Variants in ASXL2 observed in about 807,000 individuals in gnomAD.
ASXL2 encodes putative Polycomb group protein ASXL2.
Under a neutral mutation model 122.0 loss-of-function variants are expected in ASXL2, and 23 were observed. That is an observed-to-expected ratio of 0.19 (90% confidence interval 0.14 to 0.27). ASXL2 has a LOEUF of 0.27. Among genes scored for constraint, ASXL2 ranks in the 10% least tolerant of loss-of-function variants. The pLI is 1.00. For missense variants in ASXL2, 1,518 were observed against 1,713.8 expected (o/e 0.89, Z 2.02); for synonymous variants, 650 against 637.0 (o/e 1.02, Z -0.31).
chr2:25,814,345 A>G (rs148008936), intron 3 of ASXL2, among the ~76,000 whole-genome samples: 217 of 152,358 alleles, frequency 1.4e-3, no homozygotes, highest in Middle Eastern at 6.8e-3. Context: ...CCAGAATTCT[A>G]TAATTAAATA....
chr2:25,736,791 T>C lies in ASXL2; in HGVS notation c.*5238A>G, dbSNP rs149424257. 1.3e-3 allele frequency: 204 copies of C among 152,316 alleles called. No individual in the cohort carries two copies. The highest frequency in any genetic ancestry group is 4.8e-3 in the African/African-American group (199 of 41,566). 9.4% of individuals were successfully genotyped at this position (152,316 alleles called of 1,614,324 possible). ...TTTTATGGGTCATCAAGATACACTC[T>C]CGAAAATCTGACCTTAACAATTTTT... On this transcript the variant is annotated 3_prime_UTR_variant, in exon 13 of 13. Coordinates refer to ENST00000435504, the MANE Select transcript of ASXL2 (RefSeq NM_018263.6).
chr2:25,822,891 G>A, intron 3 of ASXL2: 1 of 547,262 alleles, frequency 1.8e-6, no homozygotes, highest in Non-Finnish European at 3.7e-6. Context: ...ACCAGAAGTA[G>A]ATGGAGCAGG....
chr2:25,866,159 T>TCTCG (rs1364734228), intron 1 of ASXL2, among the ~76,000 whole-genome samples: 1 of 148,962 alleles, frequency 6.7e-6, no homozygotes, highest in Non-Finnish European at 1.5e-5. Flanking sequence ...TGAGGTGGAG[T>TCTCG]CTCGCTCTGT....
intron 1 of ASXL2, among the ~76,000 whole-genome samples, chr2:25,864,833 ATTT>A (rs11358919): frequency 6.9e-6 from 1 of 144,160 alleles, no homozygotes; most frequent in Admixed American, 7.0e-5. Context: ...ACAATTTACA[ATTT>A]TTTTTTTTTT....
rs1250823642 is a variant in ASXL2, at chr2:25,810,641, T to C, written c.144-4304A>G. Reference sequence around the variant, plus strand: ...ATATTGTGCTTCACTGCCTCAATAGTGGTGATCCCAGCCATGGTGCCCACC... The same window carrying C: ...ATATTGTGCTTCACTGCCTCAATAGCGGTGATCCCAGCCATGGTGCCCACC... On this transcript the variant is annotated intron_variant, in intron 3 of 12. Transcript: ENST00000435504. The C allele has an allele frequency of 7.6e-6, 6 of 789,586 alleles. No individual in the cohort carries two copies. In the East Asian group the frequency reaches 1.9e-4, roughly 25 times the overall value. The allele number at this position is 789,586 out of a possible 1,614,324, so 48.9% of individuals were successfully genotyped here.
chr2:25,857,024 T>C (rs2089787464), intron 1 of ASXL2: 1 of 206,802 alleles, frequency 4.8e-6, no homozygotes, highest in South Asian at 1.7e-4. Flanking sequence ...TGTCTAATTT[T>C]TTCATATACT....
At chr2:25,781,536 T>A (rs2088637863) in intron 5 of ASXL2, among the ~76,000 whole-genome samples, 1 of 152,062 alleles carries the variant, frequency 6.6e-6, no homozygotes, top group Admixed American at 6.6e-5. Flanking sequence ...TTTACATCTA[T>A]TTATTTACAA....
chr2:25,788,215 C>T lies in ASXL2; in HGVS notation c.403+11170G>A, dbSNP rs993147047. 3.9e-5 allele frequency among the ~76,000 whole-genome samples: 6 copies of T among 152,206 alleles called. No homozygotes were observed. In the East Asian group the frequency reaches 1.2e-3, roughly 29 times the overall value. On this transcript the variant is annotated intron_variant, in intron 5 of 12. Coordinates refer to ENST00000435504, the MANE Select transcript of ASXL2 (RefSeq NM_018263.6). ...TCATCTCACATAATACAAAAAAATT[C>T]CACATGGTTTATAGATCTAAATGTA...
intron 5 of ASXL2, among the ~76,000 whole-genome samples, chr2:25,779,176 G>A (rs1574411885): frequency 7.3e-6 from 1 of 137,318 alleles, no homozygotes; most frequent in East Asian, 2.1e-4. Context: ...TGCAACCTCT[G>A]CCTCCACTTG....
At chr2:25,821,104 G>A (rs796855833) in intron 3 of ASXL2, among the ~76,000 whole-genome samples, 15 of 152,208 alleles carry the variant, frequency 9.9e-5, no homozygotes, top group African/African-American at 3.1e-4. Context: ...GCTTGAACCC[G>A]GGAGATGGAG....
intron 8 of ASXL2, among the ~76,000 whole-genome samples, chr2:25,760,683 C>G: frequency 6.6e-6 from 1 of 152,196 alleles, no homozygotes; most frequent in Admixed American, 6.5e-5. Flanking sequence ...GAAAGGATTT[C>G]CCTCAAATTA....
rs187726099 is a variant in ASXL2 at position 25,750,194 on chromosome 2, C to T, written c.1362G>A (p.Gln454=). The T allele has an allele frequency of 8.1e-6, 13 of 1,613,948 alleles. No homozygotes were observed. In the African/African-American group the frequency reaches 1.6e-4, roughly 20 times the overall value. The change falls in exon 12 of 13, where the codon CAG becomes CAA. Residue 454 remains glutamine, a synonymous_variant. Coordinates refer to ENST00000435504, the MANE Select transcript of ASXL2 (RefSeq NM_018263.6). The part of the protein sequence containing the change: ...KEECESQGEV[Q]PNFSTSSEPL... ...GCTCTGAAGATGTGGAGAAGTTCGGCTGCACTTCACCTTGGCTTTCACACT... is the reference window on the plus strand; with the variant it reads ...GCTCTGAAGATGTGGAGAAGTTCGGTTGCACTTCACCTTGGCTTTCACACT...
At chr2:25,806,046 T>C (rs1346963842) in intron 4 of ASXL2, among the ~76,000 whole-genome samples, 183 bp downstream of exon 4, 5 of 152,236 alleles carry the variant, frequency 3.3e-5, no homozygotes, top group Non-Finnish European at 7.3e-5. Flanking sequence ...GTTACTTCTC[T>C]GATCTACCTA....
Position 25,749,738 on chromosome 2 carries a change from A to G in ASXL2, c.1818T>C (p.Asn606=). 1.9e-6 allele frequency: 3 copies of G among 1,554,908 alleles called. No individual in the cohort carries two copies. The highest frequency in any genetic ancestry group is 2.6e-6 in the Non-Finnish European group (3 of 1,157,592). The change falls in exon 12 of 13, where the codon AAT becomes AAC. Residue 606 remains asparagine (N), a synonymous_variant. Coordinates refer to ENST00000435504, the MANE Select transcript of ASXL2 (RefSeq NM_018263.6). ...TTCGCACCTGGATTCTGTCCCCTCT[A>G]TTGAGAAAGGGCTGTGGTGAGACCT... ...PFQVSPQPFL[N]RGDRIQVRKV...
chr2:25,742,917 C>T lies in ASXL2; in HGVS notation c.3420G>A (p.Arg1140=). 6.2e-7 allele frequency: 1 copy of T among 1,613,948 alleles called. No homozygotes were observed. Among genetic ancestry groups the T allele is most frequent in the Non-Finnish European group, 8.5e-7 (1 of 1,179,896 alleles). The part of the protein sequence containing the change: ...TYGRGSESFR[R]THSVNPEDRF... ...GATCTTCAGGGTTTACAGAATGGGT[C>T]CTCCTAAAGCTCTCTGAGCCCCGGC... The change falls in exon 13 of 13, where the codon AGG becomes AGA. Residue 1140 remains arginine (R), a synonymous_variant. Transcript: ENST00000435504.
At chr2:25,757,674 C>CAAAAAAAAAAAAAA (rs60732948) in intron 9 of ASXL2, among the ~76,000 whole-genome samples, 2 of 35,828 alleles carry the variant, frequency 5.6e-5, no homozygotes, top group African/African-American at 1.2e-4. Context: ...GACTCCATCT[C>CAAAAAAAAAAAAAA]AAAAAAAAAA....
chr2:25,808,441 T>C (rs2089116494), intron 3 of ASXL2, among the ~76,000 whole-genome samples: 1 of 152,184 alleles, frequency 6.6e-6, no homozygotes, highest in African/African-American at 2.4e-5. Context: ...CAAGAGATTC[T>C]CATGCTCAGC....
chr2:25,761,447 G>A (rs930807864), intron 8 of ASXL2, among the ~76,000 whole-genome samples: 1 of 152,110 alleles, frequency 6.6e-6, no homozygotes, highest in Non-Finnish European at 1.5e-5. Flanking sequence ...GGCCGAGGCA[G>A]GCAGATCACA....
intron 1 of ASXL2, among the ~76,000 whole-genome samples, chr2:25,866,297 A>G (rs2089903784): frequency 6.6e-6 from 1 of 151,824 alleles, no homozygotes; most frequent in East Asian, 1.9e-4. Flanking sequence ...CGCCCAGCTA[A>G]GTTTTGTATT....
Sources: gnomAD v4.1 joint callset for allele counts (sites outside exome capture counted in the v4.1 genomes callset) on GRCh38, gnomAD v4.1.1 for gene constraint, MANE v1.5 for transcripts, NCBI Gene and HGNC (gene_info 2026-07-23, HGNC 2026-07-21) for gene names.